The following FHIT variants were observed in gnomAD, a reference collection of about 807,000 sequenced individuals.
FHIT encodes fragile histidine triad diadenosine triphosphatase.
In FHIT, 19 loss-of-function variants were observed where a neutral mutation model predicts 17.9. The observed-to-expected ratio is 1.06, with a 90% CI of 0.74 to 1.56. The LOEUF (loss-of-function observed/expected upper bound fraction) is 1.56. Among genes scored for constraint, FHIT ranks in the 40% most tolerant of loss-of-function variants. The pLI is 0.00. For synonymous variants in FHIT, 81 were observed against 69.7 expected (o/e 1.16, Z -0.81); for missense variants, 248 against 189.2 (o/e 1.31, Z -1.82).
chr3:60,511,210 T>C (rs1253114586), intron 5 of FHIT, among the ~76,000 whole-genome samples: 4 of 152,122 alleles, frequency 2.6e-5, no homozygotes, highest in Non-Finnish European at 5.9e-5. Context: ...TCACAAGGAT[T>C]AACAGAGAAA....
chr3:60,124,029 GAGAGAGAGAGAGAGAGAGAGAGAGAGAC>G (rs1472796765), intron 5 of FHIT, among the ~76,000 whole-genome samples: 4 of 96,088 alleles, frequency 4.2e-5, no homozygotes, highest in Admixed American at 1.1e-4. Flanking sequence ...GAGAGAGAGA[GAGAGAGAGAGAGAGAGAGAGAGAGAGAC>G]AGAGAGAGAG....
In FHIT at chr3:60,221,461, A is replaced by G. The variant is rs1007944940; in HGVS notation, c.104-207309T>C. Among the ~76,000 whole-genome samples the G allele has an allele frequency of 3.3e-5, 5 of 152,164 alleles. No homozygotes were observed. The East Asian group carries it at 9.7e-4, about 29-fold the overall frequency. Reference sequence around the variant, plus strand: ...CCTACAGCCCATTCTCCAGTCAGCAACTATAGACATCTGTGAAAATATCAG... The same window carrying G: ...CCTACAGCCCATTCTCCAGTCAGCAGCTATAGACATCTGTGAAAATATCAG... On this transcript the variant is annotated intron_variant, in intron 5 of 9. Transcript: ENST00000492590.
chr3:60,432,791 G>A (rs1246300364), intron 5 of FHIT, among the ~76,000 whole-genome samples: 1 of 152,014 alleles, frequency 6.6e-6, no homozygotes, highest in African/African-American at 2.4e-5. Flanking sequence ...CTTGGATGTT[G>A]TCACCTATTA....
intron 4 of FHIT, among the ~76,000 whole-genome samples, chr3:60,798,939 G>T (rs1701089181): frequency 6.6e-6 from 1 of 151,418 alleles, no homozygotes; most frequent in Admixed American, 6.6e-5. Context: ...TGTATTTTTA[G>T]TATAGATGGG....
intron 3 of FHIT, among the ~76,000 whole-genome samples, chr3:60,901,401 G>A (rs1376843841): frequency 1.8e-4 from 28 of 152,190 alleles, no homozygotes; most frequent in Admixed American, 1.8e-3. Flanking sequence ...TTTAAGTGTG[G>A]AAAGAAGCCT....
intron 4 of FHIT, among the ~76,000 whole-genome samples, chr3:60,557,424 T>A (rs1302595207): frequency 6.6e-6 from 1 of 151,372 alleles, no homozygotes; most frequent in Non-Finnish European, 1.5e-5. Flanking sequence ...ATAGACATGA[T>A]GTCAAGAAAG....
In FHIT at chr3:61,030,814, C is replaced by T. The variant is rs192614713; in HGVS notation, c.-111+11233G>A. Among the ~76,000 whole-genome samples, 87 of 152,152 alleles carry T rather than the reference C, an allele frequency of 5.7e-4. No homozygotes were observed. In the East Asian group the frequency reaches 0.012, roughly 21 times the overall value. Reference sequence around the variant, plus strand: ...AAAGGAGAGGCAGGCCGTGAGCTGCCCGGGATGGGGGCAGGGGGGTAGTTT... The same window carrying T: ...AAAGGAGAGGCAGGCCGTGAGCTGCTCGGGATGGGGGCAGGGGGGTAGTTT... On this transcript the variant is annotated intron_variant, in intron 3 of 9. Coordinates refer to ENST00000492590, the MANE Select transcript of FHIT (RefSeq NM_002012.4).
intron 5 of FHIT, among the ~76,000 whole-genome samples, chr3:60,124,009 T>TATATATATAGAGAG (rs1384962194): frequency 8.2e-5 from 1 of 12,156 alleles, no homozygotes; most frequent in Non-Finnish European, 1.5e-4. Context: ...TATATATATA[T>TATATATATAGAGAG]AGAGAGAGAG....
At chr3:60,857,820 T>C (rs1159340619) in intron 3 of FHIT, among the ~76,000 whole-genome samples, 2 of 152,050 alleles carry the variant, frequency 1.3e-5, no homozygotes, top group Non-Finnish European at 2.9e-5. Context: ...TCTAGTTACT[T>C]GGGAGGCTGA....
chr3:60,017,249 G>GA (rs980149588), intron 5 of FHIT, among the ~76,000 whole-genome samples: 15 of 152,062 alleles, frequency 9.9e-5, no homozygotes, highest in Non-Finnish European at 7.4e-5. Flanking sequence ...CCTAACCTTG[G>GA]AAAAAGAAAG....
chr3:60,561,953 A>T (rs2036968321), intron 4 of FHIT, among the ~76,000 whole-genome samples: 1 of 151,990 alleles, frequency 6.6e-6, no homozygotes, highest in Non-Finnish European at 1.5e-5. Context: ...AGAAACAGAG[A>T]GAGAGAGAGA....
chr3:60,317,652 T>A (rs1000501793), intron 5 of FHIT, among the ~76,000 whole-genome samples: 70 of 147,438 alleles, frequency 4.7e-4, no homozygotes, highest in Non-Finnish European at 9.1e-4. Flanking sequence ...TATATATATA[T>A]AATATTTTCC....
rs573917917 is a variant in FHIT at position 60,279,890 on chromosome 3, G to A, written c.103+256970C>T. Reference sequence around the variant, plus strand: ...ACTAAAAATACAAAAAAATTAGCCAGGTATGGTGGCAGGCACTTCTAGTCT... The same window carrying A: ...ACTAAAAATACAAAAAAATTAGCCAAGTATGGTGGCAGGCACTTCTAGTCT... On this transcript the variant is annotated intron_variant, in intron 5 of 9. Coordinates refer to ENST00000492590, the MANE Select transcript of FHIT (RefSeq NM_002012.4). Among the ~76,000 whole-genome samples, 3 of 152,028 alleles carry A rather than the reference G, an allele frequency of 2.0e-5. No individual in the cohort carries two copies. The East Asian group carries it at 5.8e-4, about 30-fold the overall frequency.
At chr3:61,069,034 C>A (rs1464617804) in intron 2 of FHIT, among the ~76,000 whole-genome samples, 1 of 152,122 alleles carries the variant, frequency 6.6e-6, no homozygotes, top group Non-Finnish European at 1.5e-5. Context: ...AAAACACAAG[C>A]CAATCCTGAA....
At chr3:61,210,220 C>A (rs9850114) in intron 1 of FHIT, among the ~76,000 whole-genome samples, 1 of 151,940 alleles carries the variant, frequency 6.6e-6, no homozygotes, top group East Asian at 1.9e-4. Context: ...GCCCCTAGTG[C>A]GGGGTACCTC....
chr3:60,836,607 A>G (rs982016031), intron 3 of FHIT, among the ~76,000 whole-genome samples: 1 of 152,150 alleles, frequency 6.6e-6, no homozygotes, highest in African/African-American at 2.4e-5. Context: ...TACAGGGTCA[A>G]TAGTGATATC....
At chr3:60,382,552 G>A (rs1298756050) in intron 5 of FHIT, among the ~76,000 whole-genome samples, 7 of 152,072 alleles carry the variant, frequency 4.6e-5, no homozygotes, top group African/African-American at 9.7e-5. Context: ...TTTTTTAAAT[G>A]TCCATTTTAC....
intron 4 of FHIT, among the ~76,000 whole-genome samples, chr3:60,679,326 T>C (rs1162537816): frequency 6.6e-6 from 1 of 152,180 alleles, no homozygotes; most frequent in African/African-American, 2.4e-5. Context: ...CCTGTTATGA[T>C]TGTAGAAGTC....
intron 4 of FHIT, among the ~76,000 whole-genome samples, chr3:60,725,237 G>A (rs782451558): frequency 6.6e-5 from 10 of 151,896 alleles, no homozygotes; most frequent in Non-Finnish European, 1.2e-4. Context: ...CCATTTTGTG[G>A]GTTAGTTTTA....
Sources: allele counts gnomAD v4.1 joint callset (sites outside exome capture counted in the v4.1 genomes callset), GRCh38; gene constraint gnomAD v4.1.1; transcripts MANE v1.5; gene names NCBI Gene and HGNC (gene_info 2026-07-23, HGNC 2026-07-21).